Variants in ACAD10 observed in about 807,000 individuals in gnomAD.
The protein encoded by ACAD10 is acyl-CoA dehydrogenase family member 10.
A neutral mutation model predicts 116.8 loss-of-function variants in ACAD10; 112 were observed. The observed-to-expected ratio is 0.96, with a 90% CI of 0.82 to 1.12. The LOEUF is 1.12. Ranked by LOEUF, ACAD10 falls within the 50% of genes most tolerant of loss-of-function variation. The pLI, the probability that ACAD10 is intolerant of heterozygous loss-of-function variation, is 0.00. For missense variants in ACAD10, 1,259 were observed against 1,350.2 expected, an observed-to-expected ratio of 0.93 and a Z score of 1.06; for synonymous variants, 486 against 510.6, an observed-to-expected ratio of 0.95 and a Z score of 0.65.
At chr12:111,756,048 A>G (rs1357150960) in intron 20 of ACAD10, 10 of 1,090,446 alleles carry the variant, frequency 9.2e-6, no homozygotes, top group Non-Finnish European at 1.3e-5. Context: ...CCCAGAGCCC[A>G]GGCTCTTTCC....
Position 111,721,858 on chromosome 12 carries a change from C to T in ACAD10, c.1061+119C>T, listed in dbSNP as rs1472076768. The T allele has an allele frequency of 2.0e-5, 14 of 715,110 alleles. No individual in the cohort carries two copies. The South Asian group carries it at 3.1e-4, about 16-fold the overall frequency. The allele number at this position is 715,110 out of a possible 1,614,324, so 44.3% of individuals were successfully genotyped here. ...AAATTTGGGTAGGAGGGAAAAGAAA[C>T]TTTATCACAACCTCTCCCAGAAGTT... On this transcript the variant is annotated intron_variant, in intron 8 of 20. Coordinates refer to ENST00000313698, the MANE Select transcript of ACAD10 (RefSeq NM_025247.6).
At chr12:111,749,367 C>G (rs758181292) in intron 18 of ACAD10, 22 bp downstream of exon 18, 1 of 1,596,040 alleles carries the variant, frequency 6.3e-7, no homozygotes, top group Non-Finnish European at 8.6e-7. Context: ...CCCCCGCACC[C>G]AGCACTGACT....
rs531885737 is a variant in ACAD10 at position 111,702,332 on chromosome 12, A to C, written c.336+22A>C. On this transcript the variant is annotated intron_variant, in intron 3 of 20. Coordinates refer to ENST00000313698, the MANE Select transcript of ACAD10 (RefSeq NM_025247.6). The stretch of plus-strand genomic sequence containing the variant: ...AATGGTGAGTGGTAAACATACCTAC[A>C]TTTCCATATTTTTCTTTTTGCCTTG... 7.8e-5 allele frequency: 125 copies of C among 1,605,464 alleles called. 5 individuals carry two copies. The South Asian group carries it at 1.3e-3, about 17-fold the overall frequency.
chr12:111,732,770 C>G (rs1036081581), intron 10 of ACAD10, among the ~76,000 whole-genome samples: 32 of 152,124 alleles, frequency 2.1e-4, no homozygotes, highest in African/African-American at 7.5e-4. Flanking sequence ...GCGTGGAGTC[C>G]CGGGGCCAGT....
At chr12:111,700,853 G>A (rs1483898222) in intron 2 of ACAD10, among the ~76,000 whole-genome samples, 1 of 150,168 alleles carries the variant, frequency 6.7e-6, no homozygotes, top group Non-Finnish European at 1.5e-5. Context: ...CAAACTCCTG[G>A]GCTTAAGCGA....
chr12:111,695,339 A>C (rs1417880507), intron 2 of ACAD10, among the ~76,000 whole-genome samples: 1 of 152,192 alleles, frequency 6.6e-6, no homozygotes, highest in Non-Finnish European at 1.5e-5. Context: ...AATCTTTTGA[A>C]CACTCAGTAA....
chr12:111,750,365 C>G (rs1049018787), intron 18 of ACAD10, among the ~76,000 whole-genome samples: 2 of 151,854 alleles, frequency 1.3e-5, no homozygotes, highest in African/African-American at 4.8e-5. Context: ...CATGATCCGC[C>G]CACCTCAGCC....
intron 4 of ACAD10, among the ~76,000 whole-genome samples, chr12:111,708,769 A>G (rs1373013540): frequency 6.6e-6 from 1 of 152,070 alleles, no homozygotes; most frequent in Non-Finnish European, 1.5e-5. Flanking sequence ...GGACACTGTA[A>G]AAGGACTTTC....
At chr12:111,749,614 G>A in intron 18 of ACAD10, 1 of 487,584 alleles carries the variant, frequency 2.1e-6, no homozygotes. Context: ...AAGGTGTAAA[G>A]GTCATGCTGC....
At chr12:111,732,771 C>T (rs1179006802) in intron 10 of ACAD10, among the ~76,000 whole-genome samples, 4 of 152,228 alleles carry the variant, frequency 2.6e-5, no homozygotes, top group Non-Finnish European at 5.9e-5. Context: ...CGTGGAGTCC[C>T]GGGGCCAGTA....
At position 111,744,861 on chromosome 12, in the gene ACAD10, G is replaced by GCTCATAC; in HGVS notation, c.1938_1944dup (p.Arg649TyrfsTer65). ...TAGCTCCGTTCCAGAAGCTTCCCCA[G>GCTCATAC]CTCATACCTCAAGGGGAGGTCTGGT... is the stretch of plus-strand genomic sequence containing the variant. On this transcript the variant is annotated frameshift_variant, in exon 13 of 21. Transcript: ENST00000313698. LOFTEE classifies it high-confidence loss of function. 2 of 1,614,190 alleles carry GCTCATAC rather than the reference G, an allele frequency of 1.2e-6. No homozygotes were observed. Among genetic ancestry groups the GCTCATAC allele is most frequent in the Non-Finnish European group, 1.7e-6 (2 of 1,180,026 alleles).
At chr12:111,696,742 A>C (rs1418408724) in intron 2 of ACAD10, among the ~76,000 whole-genome samples, 1 of 152,070 alleles carries the variant, frequency 6.6e-6, no homozygotes, top group Admixed American at 6.6e-5. Flanking sequence ...ATTTTACTTT[A>C]TTTTTCTCCA....
intron 6 of ACAD10, chr12:111,715,463 T>G: frequency 4.0e-6 from 1 of 250,000 alleles, no homozygotes; most frequent in Admixed American, 4.6e-5. Context: ...TTTGGCAAGA[T>G]GGGTTGCCAT....
chr12:111,729,169 G>A (rs1383832616), intron 9 of ACAD10, among the ~76,000 whole-genome samples: 2 of 152,170 alleles, frequency 1.3e-5, no homozygotes, highest in African/African-American at 2.4e-5. Context: ...CTGGCTCCAG[G>A]GTTCATGTGC....
intron 8 of ACAD10, 154 bp downstream of exon 8, chr12:111,721,893 T>G (rs1476960575): frequency 6.0e-6 from 3 of 500,256 alleles, no homozygotes; most frequent in Non-Finnish European, 1.0e-5. Flanking sequence ...TCTCAGATAT[T>G]TAAGTTATCC....
intron 10 of ACAD10, among the ~76,000 whole-genome samples, chr12:111,731,024 C>G (rs918613922): frequency 6.6e-6 from 1 of 152,250 alleles, no homozygotes; most frequent in Non-Finnish European, 1.5e-5. Flanking sequence ...CTCCTGCCCT[C>G]AAGTGATCTG....
rs1171448023 is a variant in ACAD10 at position 111,734,031 on chromosome 12, G to A, written c.1503G>A (p.Leu501=). 1.4e-5 allele frequency: 23 copies of A among 1,614,100 alleles called. 1 individual carries two copies. The East Asian group carries it at 5.1e-4, about 36-fold the overall frequency. ...TTGCTGATGTGGCCTACAGCTGCCT[G>A]GCTCATTACCTGCCATCCAGTTTTC... ...DPLADVAYSC[L]AHYLPSSFPV... Residue 501 remains leucine, a synonymous_variant, in exon 11 of 21, where the codon CTG becomes CTA. Coordinates refer to ENST00000313698, the MANE Select transcript of ACAD10 (RefSeq NM_025247.6).
chr12:111,743,423 G>A (rs964958421), intron 12 of ACAD10, among the ~76,000 whole-genome samples: 1 of 144,408 alleles, frequency 6.9e-6, no homozygotes, highest in Non-Finnish European at 1.5e-5. Flanking sequence ...GGCAACCTCC[G>A]CCTCTCGGGT....
chr12:111,700,813 C>T (rs375349632), intron 2 of ACAD10, among the ~76,000 whole-genome samples: 14 of 139,428 alleles, frequency 1.0e-4, no homozygotes, highest in African/African-American at 3.5e-4. Flanking sequence ...GGCTGCAGTG[C>T]GGTGGCACCA....
Sources: allele counts gnomAD v4.1 joint callset (sites outside exome capture counted in the v4.1 genomes callset), GRCh38; gene constraint gnomAD v4.1.1; transcripts MANE v1.5; gene names NCBI Gene and HGNC (gene_info 2026-07-23, HGNC 2026-07-21).